Variants in SLC9B1 observed in about 807,000 individuals in gnomAD.
The protein encoded by SLC9B1 is sodium/hydrogen exchanger 9B1.
A neutral mutation model predicts 51.7 loss-of-function variants in SLC9B1; 32 were observed. The ratio of observed to expected loss-of-function variants is 0.62; its 90% CI spans 0.47 to 0.83. SLC9B1 has a LOEUF of 0.83. Ranked by LOEUF, SLC9B1 falls within the 40% of genes least tolerant of loss-of-function variation. The pLI, the probability that SLC9B1 is intolerant of heterozygous loss-of-function variation, is 0.00. For synonymous variants in SLC9B1, 145 were observed against 212.7 expected (o/e 0.68, Z 2.77); for missense variants, 406 against 613.2 (o/e 0.66, Z 3.57).
chr4:102,955,895 AAGAAAGAGAG>A lies in SLC9B1; in HGVS notation c.212-6478_212-6469del, dbSNP rs1182186274. Among the ~76,000 whole-genome samples the A allele has an allele frequency of 3.2e-5, 4 of 123,894 alleles. No homozygotes were observed. In the East Asian group the frequency reaches 7.1e-4, roughly 22 times the overall value. The allele number at this position is 123,894 out of a possible 152,430, so 81.3% of individuals were successfully genotyped here. ...AAAGAAAGAAAGAAAGAAAGAAAGAAAGAAAGAGAGAGAAAGACCCACATGCAAGGCTAGA... is the reference window on the plus strand; with the variant it reads ...AAAGAAAGAAAGAAAGAAAGAAAGAAAGAAAGACCCACATGCAAGGCTAGA... On this transcript the variant is annotated intron_variant, in intron 3 of 11. Coordinates refer to ENST00000296422, the MANE Select transcript of SLC9B1 (RefSeq NM_139173.4).
intron 1 of SLC9B1, among the ~76,000 whole-genome samples, chr4:103,012,989 T>C (rs929477690): frequency 6.6e-5 from 10 of 152,224 alleles, no homozygotes; most frequent in African/African-American, 1.9e-4. Flanking sequence ...AGTTTCAGCA[T>C]GAATTTTGGA....
At chr4:103,000,590 C>G (rs1740466913) in intron 1 of SLC9B1, among the ~76,000 whole-genome samples, 1 of 152,186 alleles carries the variant, frequency 6.6e-6, no homozygotes, top group African/African-American at 2.4e-5. Flanking sequence ...GGCTATGGGC[C>G]CCACGTAAGT....
chr4:102,968,848 A>G (rs1394083935), intron 3 of SLC9B1, among the ~76,000 whole-genome samples: 9 of 152,110 alleles, frequency 5.9e-5, no homozygotes, highest in Non-Finnish European at 1.2e-4. Context: ...TGCTTTTCCA[A>G]TGGTCTTAGC....
downstream of SLC9B1, among the ~76,000 whole-genome samples, chr4:102,898,672 G>GA (rs1470290663): frequency 6.6e-6 from 1 of 152,112 alleles, no homozygotes. Context: ...CTTAAACAGT[G>GA]AAAAAAATAG....
chr4:102,969,840 A>C (rs375927784), intron 3 of SLC9B1, among the ~76,000 whole-genome samples: 1 of 152,242 alleles, frequency 6.6e-6, no homozygotes, highest in East Asian at 1.9e-4. Flanking sequence ...TACATGACGC[A>C]TACACAAGCT....
At chr4:102,959,695 G>T (rs1421693254) in intron 3 of SLC9B1, among the ~76,000 whole-genome samples, 1 of 152,186 alleles carries the variant, frequency 6.6e-6, no homozygotes, top group Non-Finnish European at 1.5e-5. Context: ...GAGCCAGAAG[G>T]ACACTCCCCT....
intron 1 of SLC9B1, 104 bp downstream of exon 1, chr4:103,019,495 G>A (rs2110553837): frequency 1.3e-6 from 1 of 762,228 alleles, no homozygotes; most frequent in Non-Finnish European, 1.6e-6. Flanking sequence ...AACTGAGGGG[G>A]AGGAAAGGCC....
chr4:102,925,906 G>C (rs1278577542), intron 7 of SLC9B1, among the ~76,000 whole-genome samples: 1 of 151,868 alleles, frequency 6.6e-6, no homozygotes, highest in Non-Finnish European at 1.5e-5. Context: ...CCACGATCAA[G>C]TCGGCTTCAT....
chr4:103,010,816 G>T (rs922270281), intron 1 of SLC9B1, among the ~76,000 whole-genome samples: 2 of 152,128 alleles, frequency 1.3e-5, no homozygotes, highest in African/African-American at 4.8e-5. Flanking sequence ...ACCTCCTAAA[G>T]GCCCCAGCTC....
At chr4:102,919,243 G>C (rs1446167494) in intron 7 of SLC9B1, among the ~76,000 whole-genome samples, 1 of 152,124 alleles carries the variant, frequency 6.6e-6, no homozygotes, top group Non-Finnish European at 1.5e-5. Context: ...CCAGAAAATG[G>C]GCTTTTCTTT....
At chr4:102,944,747 C>T (rs569636387) in intron 6 of SLC9B1, among the ~76,000 whole-genome samples, 148 of 152,276 alleles carry the variant, frequency 9.7e-4, no homozygotes, top group Non-Finnish European at 1.7e-3. Context: ...ATTGGATATA[C>T]GGCAAGAGTT....
intron 3 of SLC9B1, chr4:102,962,109 C>G (rs1560954123): frequency 2.5e-6 from 1 of 400,070 alleles, no homozygotes; most frequent in South Asian, 2.0e-5. Flanking sequence ...GGGTCTCAGC[C>G]CTGTGATCAC....
In SLC9B1 at chr4:102,915,978, C is replaced by CA. The variant is rs1267277027; in HGVS notation, c.830-4442dup. ...GAAAGGAACCCAAGCATGCCCCTAC[C>CA]AAAAAAAGAAATCAGTGAAACATAA... On this transcript the variant is annotated intron_variant, in intron 7 of 11. Coordinates refer to ENST00000296422, the MANE Select transcript of SLC9B1 (RefSeq NM_139173.4). Among the ~76,000 whole-genome samples the CA allele has an allele frequency of 3.3e-5, 5 of 151,472 alleles. No homozygotes were observed. The East Asian group carries it at 9.7e-4, about 29-fold the overall frequency.
At chr4:102,913,796 T>TAAAAAAAAAAAAAAAAAAAAAAAAC (rs61244946) in intron 7 of SLC9B1, among the ~76,000 whole-genome samples, 2 of 71,452 alleles carry the variant, frequency 2.8e-5, no homozygotes, top group East Asian at 4.4e-4. Flanking sequence ...AGATAGAAAC[T>TAAAAAAAAAAAAAAAAAAAAAAAAC]AAAAAAAAAA....
At chr4:102,980,405 T>C (rs1739291828) in intron 3 of SLC9B1, among the ~76,000 whole-genome samples, 1 of 152,186 alleles carries the variant, frequency 6.6e-6, no homozygotes, top group Non-Finnish European at 1.5e-5. Flanking sequence ...ATGGATACTA[T>C]GCAGCCATAA....
intron 1 of SLC9B1, among the ~76,000 whole-genome samples, chr4:102,992,076 C>T (rs576657640): frequency 6.6e-6 from 1 of 152,214 alleles, no homozygotes; most frequent in Admixed American, 6.5e-5. Context: ...TTCTGTCATG[C>T]TCTTACATAA....
At chr4:102,886,339 A>C (rs1180905261) in intron 11 of SLC9B1, among the ~76,000 whole-genome samples, 2 of 151,982 alleles carry the variant, frequency 1.3e-5, no homozygotes, top group African/African-American at 2.4e-5. Context: ...AATACAAAAA[A>C]AATTAGCCAG....
intron 6 of SLC9B1, among the ~76,000 whole-genome samples, chr4:102,934,345 A>G (rs1273570753): frequency 1.3e-5 from 2 of 152,248 alleles, no homozygotes; most frequent in Non-Finnish European, 2.9e-5. Context: ...AAACAAATCT[A>G]TGGGATTTGT....
chr4:102,992,265 A>G (rs950945553), intron 1 of SLC9B1, among the ~76,000 whole-genome samples: 1 of 152,136 alleles, frequency 6.6e-6, no homozygotes, highest in African/African-American at 2.4e-5. Context: ...TAAAATAATA[A>G]TTACTTATAA....
Sources: allele counts gnomAD v4.1 joint callset (sites outside exome capture counted in the v4.1 genomes callset), GRCh38; gene constraint gnomAD v4.1.1; transcripts MANE v1.5; gene names NCBI Gene and HGNC (gene_info 2026-07-23, HGNC 2026-07-21).